AGBL1: variants seen among roughly 807,000 people sequenced by gnomAD.
The protein encoded by AGBL1 is cytosolic carboxypeptidase 4.
A neutral mutation model predicts 118.9 loss-of-function variants in AGBL1; 130 were observed. That is an observed-to-expected ratio of 1.09 (90% CI 0.95 to 1.26). The LOEUF (loss-of-function observed/expected upper bound fraction) is 1.26, where lower values mean the gene tolerates loss of function less well. Among genes scored for constraint, AGBL1 ranks in the 50% most tolerant of loss-of-function variants. The pLI is 0.00. For missense variants in AGBL1, 1,584 were observed against 1,298.1 expected (o/e 1.22, Z -3.38); for synonymous variants, 555 against 478.9 (o/e 1.16, Z -2.08).
intron 22 of AGBL1, among the ~76,000 whole-genome samples, chr15:86,719,574 G>C (rs2167659): frequency 0.26 from 40,159 of 151,840 alleles, 5,404 homozygotes; most frequent in South Asian, 0.36. Context: ...AGATCACTAG[G>C]GGTCATTCAT....
chr15:86,909,462 G>T lies in AGBL1; in HGVS notation c.*2168G>T, dbSNP rs2080321629. 6.6e-6 allele frequency: 1 copy of T among 152,206 alleles called. No homozygotes were observed. The highest frequency in any genetic ancestry group is 1.5e-5 in the Non-Finnish European group (1 of 68,024). 9.4% of individuals were successfully genotyped at this position (152,206 alleles called of 1,614,324 possible). A position where few individuals can be genotyped will look rare whatever the true frequency, so the allele number is the denominator to read the frequency against. On this transcript the variant is annotated 3_prime_UTR_variant, in exon 23 of 23. Transcript: ENST00000614907. ...GGCATAGAAGAAAGGCATCTGTGTTGTGATTTTGGGAGTTGATAACATTAT... is the reference window on the plus strand; with the variant it reads ...GGCATAGAAGAAAGGCATCTGTGTTTTGATTTTGGGAGTTGATAACATTAT...
intron 22 of AGBL1, among the ~76,000 whole-genome samples, chr15:86,712,964 C>T (rs2086583967): frequency 6.6e-6 from 1 of 152,122 alleles, no homozygotes. Context: ...AATTGCCACC[C>T]CCTTCCTATG....
chr15:86,824,999 A>G (rs1221057530), intron 22 of AGBL1, among the ~76,000 whole-genome samples: 3 of 151,996 alleles, frequency 2.0e-5, no homozygotes, highest in African/African-American at 4.8e-5. Flanking sequence ...GGATGTTGCA[A>G]TGAGCTGAGA....
intron 17 of AGBL1, among the ~76,000 whole-genome samples, chr15:86,390,470 C>T (rs970677626): frequency 2.6e-5 from 4 of 151,960 alleles, no homozygotes; most frequent in Non-Finnish European, 5.9e-5. Flanking sequence ...TGGCCCTAAA[C>T]TGGAAAGAAC....
chr15:86,290,888 T>C (rs2079534799), intron 16 of AGBL1, among the ~76,000 whole-genome samples: 1 of 151,878 alleles, frequency 6.6e-6, no homozygotes, highest in Admixed American at 6.6e-5. Context: ...CCCCTTCCTG[T>C]GTCCATGTGT....
In AGBL1 at chr15:86,481,569, C is replaced by T. The variant is rs180867007; in HGVS notation, c.2556-41241C>T. Among the ~76,000 whole-genome samples the T allele has an allele frequency of 2.4e-3, 368 of 152,146 alleles. 1 individual carries two copies. Among genetic ancestry groups the T allele is most frequent in the African/African-American group, 8.2e-3 (342 of 41,522 alleles). Reference sequence around the variant, plus strand: ...AATTGTGGTGCTTATGTTTATGGCACGACTATCCTGTTTTTGGAATTTTAC... The same window carrying T: ...AATTGTGGTGCTTATGTTTATGGCATGACTATCCTGTTTTTGGAATTTTAC... On this transcript the variant is annotated intron_variant, in intron 18 of 22. Coordinates refer to ENST00000614907, the MANE Select transcript of AGBL1 (RefSeq NM_001386094.1).
chr15:86,643,075 C>G (rs944163884), intron 21 of AGBL1, among the ~76,000 whole-genome samples: 2 of 152,098 alleles, frequency 1.3e-5, no homozygotes, highest in Non-Finnish European at 2.9e-5. Context: ...TTTAGGCTGG[C>G]TCACTGCATG....
chr15:86,740,155 C>T (rs78125786), intron 22 of AGBL1, among the ~76,000 whole-genome samples: 89 of 152,290 alleles, frequency 5.8e-4, no homozygotes, highest in Admixed American at 2.7e-3. Flanking sequence ...TTCACTACAG[C>T]TCAGTCTTCT....
chr15:87,021,295 A>G (rs1410004529), intron 24 of AGBL1, among the ~76,000 whole-genome samples: 1 of 152,200 alleles, frequency 6.6e-6, no homozygotes, highest in African/African-American at 2.4e-5. Flanking sequence ...CCATATGCAG[A>G]AAATTAAAAC....
At chr15:86,358,890 G>A (rs1341788652) in intron 17 of AGBL1, among the ~76,000 whole-genome samples, 1 of 151,320 alleles carries the variant, frequency 6.6e-6, no homozygotes, top group Non-Finnish European at 1.5e-5. Flanking sequence ...TTTCTTTTGA[G>A]TTATTTGAGT....
intron 17 of AGBL1, among the ~76,000 whole-genome samples, chr15:86,393,342 A>G (rs2081315630): frequency 6.6e-6 from 1 of 152,204 alleles, no homozygotes. Flanking sequence ...CAGACAATGG[A>G]AGTGTTTTGT....
intron 18 of AGBL1, among the ~76,000 whole-genome samples, chr15:86,505,187 CTCTT>C (rs763702164): frequency 1.3e-5 from 2 of 151,740 alleles, no homozygotes; most frequent in Non-Finnish European, 2.9e-5. Context: ...TTTCAAAATT[CTCTT>C]TGTCTTTTGA....
At chr15:86,253,821 T>C (rs1452048543) in intron 7 of AGBL1, among the ~76,000 whole-genome samples, 2 of 152,200 alleles carry the variant, frequency 1.3e-5, no homozygotes, top group Non-Finnish European at 2.9e-5. Context: ...TACATTGTTG[T>C]ATAACTGTCA....
intron 22 of AGBL1, among the ~76,000 whole-genome samples, chr15:86,833,122 T>G (rs2079128354): frequency 6.6e-6 from 1 of 152,134 alleles, no homozygotes; most frequent in Non-Finnish European, 1.5e-5. Context: ...ATTCAATTGC[T>G]TCGCATTGGG....
At chr15:86,936,718 A>C (rs182952102) in intron 23 of AGBL1, among the ~76,000 whole-genome samples, 17 of 152,342 alleles carry the variant, frequency 1.1e-4, no homozygotes, top group Non-Finnish European at 2.2e-4. Flanking sequence ...CAACCTAGGC[A>C]ATACCATGCT....
In AGBL1 at chr15:86,262,078, C is replaced by CTTTTTTTTTTTTTTTTTTTTTTTTTTT. The variant is rs61365024; in HGVS notation, c.970-684_970-683insTTTTTTTTTTTTTTTTTTTTTTTTTTT. Reference sequence around the variant, plus strand: ...CACTGCTAGGCCTATGCATAGCTGGCTTTTTTTTTTTTTTTTGCCATTTAG... The same window carrying CTTTTTTTTTTTTTTTTTTTTTTTTTTT: ...CACTGCTAGGCCTATGCATAGCTGGCTTTTTTTTTTTTTTTTTTTTTTTTTTTTTTTTTTTTTTTTTTTGCCATTTAG... On this transcript the variant is annotated intron_variant, in intron 9 of 22. Coordinates refer to ENST00000614907, the MANE Select transcript of AGBL1 (RefSeq NM_001386094.1). Among the ~76,000 whole-genome samples the CTTTTTTTTTTTTTTTTTTTTTTTTTTT allele has an allele frequency of 2.3e-3, 119 of 52,760 alleles. 35 individuals carry two copies. Among genetic ancestry groups the CTTTTTTTTTTTTTTTTTTTTTTTTTTT allele is most frequent in the African/African-American group, 3.3e-3 (54 of 16,460 alleles). 34.6% of individuals were successfully genotyped at this position (52,760 alleles called of 152,430 possible). A position where few individuals can be genotyped will look rare whatever the true frequency, so the allele number is the denominator to read the frequency against.
intron 2 of AGBL1, among the ~76,000 whole-genome samples, chr15:86,142,905 G>T (rs1181278020): frequency 6.6e-6 from 1 of 152,190 alleles, no homozygotes; most frequent in Admixed American, 6.5e-5. Flanking sequence ...TTTGCCTCTT[G>T]CAGAGAATGC....
intron 19 of AGBL1, among the ~76,000 whole-genome samples, chr15:86,540,375 C>T (rs747264938): frequency 6.6e-6 from 1 of 152,124 alleles, no homozygotes; most frequent in Non-Finnish European, 1.5e-5. Flanking sequence ...AGGCAGATTG[C>T]CTGAGCTCAG....
Position 86,988,949 on chromosome 15 carries a change from A to G in AGBL1, c.3323+861A>G, listed in dbSNP as rs1385658040. 1.3e-5 allele frequency among the ~76,000 whole-genome samples: 2 copies of G among 150,942 alleles called. 1 individual carries two copies. Among genetic ancestry groups the G allele is most frequent in the South Asian group, 4.2e-4 (2 of 4,784 alleles). On this transcript the variant is annotated intron_variant, in intron 24 of 24. Transcript: ENST00000441037. ...ACTTTGAATAAAATATTGAGTGAAA[A>G]TGATGATTGCCAATATACTTATTCA...
Sources: allele counts gnomAD v4.1 joint callset (sites outside exome capture counted in the v4.1 genomes callset), GRCh38; gene constraint gnomAD v4.1.1; transcripts MANE v1.5; gene names NCBI Gene and HGNC (gene_info 2026-07-23, HGNC 2026-07-21).